TLE4: variants seen among roughly 807,000 people sequenced by gnomAD.
TLE4 encodes the protein TLE family member 4, transcriptional corepressor, also known as transducin-like enhancer protein 4.
Under a neutral mutation model 92.8 loss-of-function variants are expected in TLE4, and 8 were observed. That is an observed-to-expected ratio of 0.09 (90% CI 0.05 to 0.16). The LOEUF is 0.16. Ranked by LOEUF, TLE4 falls within the 10% of genes least tolerant of loss-of-function variation. The pLI, the probability that TLE4 is intolerant of heterozygous loss-of-function variation, is 1.00. For synonymous variants in TLE4, 371 were observed against 374.1 expected, an observed-to-expected ratio of 0.99 and a Z score of 0.10; for missense variants, 675 against 997.6, an observed-to-expected ratio of 0.68 and a Z score of 4.36.
At chr9:79,715,488 C>T (rs539317314) in intron 14 of TLE4, among the ~76,000 whole-genome samples, 1 of 152,190 alleles carries the variant, frequency 6.6e-6, no homozygotes, top group African/African-American at 2.4e-5. Context: ...GTGACCTTTC[C>T]ATTTCATTCA....
chr9:79,573,343 C>T (rs773909581), intron 1 of TLE4: 10 of 1,093,620 alleles, frequency 9.1e-6, no homozygotes, highest in African/African-American at 6.6e-5. Context: ...TGGCGCGGGT[C>T]CCCCCGACGG....
chr9:79,724,570 G>A (rs2076147864), intron 19 of TLE4, among the ~76,000 whole-genome samples: 1 of 152,040 alleles, frequency 6.6e-6, no homozygotes, highest in South Asian at 2.1e-4. Context: ...GTGCCACGTG[G>A]TGGCTCATGC....
intron 6 of TLE4, among the ~76,000 whole-genome samples, chr9:79,648,080 G>A (rs938056956): frequency 6.6e-6 from 1 of 152,186 alleles, no homozygotes; most frequent in Non-Finnish European, 1.5e-5. Flanking sequence ...GGATGGTGTT[G>A]CACAGTAGGG....
intron 8 of TLE4, among the ~76,000 whole-genome samples, chr9:79,695,313 G>A (rs2067982553): frequency 6.7e-6 from 1 of 149,926 alleles, no homozygotes; most frequent in Non-Finnish European, 1.5e-5. Flanking sequence ...ATTTTTGAAG[G>A]CTGCCTCCCT....
chr9:79,669,553 C>T (rs369514086), intron 8 of TLE4, among the ~76,000 whole-genome samples: 1 of 152,078 alleles, frequency 6.6e-6, no homozygotes, highest in African/African-American at 2.4e-5. Flanking sequence ...CTGAGGCGCT[C>T]TGGGCACCAT....
chr9:79,589,871 T>C (rs2042111647), intron 4 of TLE4, among the ~76,000 whole-genome samples: 1 of 152,198 alleles, frequency 6.6e-6, no homozygotes, highest in Admixed American at 6.5e-5. Context: ...TTCTGCTCTT[T>C]CTCTTTAGGG....
intron 1 of TLE4, 44 bp from the exon 2 acceptor site, chr9:79,573,645 G>T: frequency 1.3e-6 from 2 of 1,481,772 alleles, no homozygotes; most frequent in Non-Finnish European, 1.8e-6. Flanking sequence ...TCCCTGCTTC[G>T]CCTGTGATGT....
At chr9:79,630,208 A>G (rs551856884) in intron 6 of TLE4, among the ~76,000 whole-genome samples, 1 of 152,270 alleles carries the variant, frequency 6.6e-6, no homozygotes, top group Admixed American at 6.5e-5. Flanking sequence ...CTGCAATATT[A>G]TTCTACCTTC....
At chr9:79,603,601 C>T (rs1026477208) in intron 4 of TLE4, among the ~76,000 whole-genome samples, 7 of 151,988 alleles carry the variant, frequency 4.6e-5, no homozygotes, top group Non-Finnish European at 7.4e-5. Context: ...CTGTAGTACA[C>T]ACATGTACTG....
chr9:79,606,520 T>TC (rs995745883), intron 4 of TLE4, among the ~76,000 whole-genome samples: 16 of 151,886 alleles, frequency 1.1e-4, no homozygotes, highest in Admixed American at 4.6e-4. Context: ...ATGCTATCCC[T>TC]CCCCCAGTCC....
intron 8 of TLE4, among the ~76,000 whole-genome samples, chr9:79,656,190 G>A (rs1374825987): frequency 6.6e-6 from 1 of 152,138 alleles, no homozygotes; most frequent in Non-Finnish European, 1.5e-5. Flanking sequence ...GTTCTGTGAT[G>A]CTCAGAGAAG....
At chr9:79,656,242 G>C (rs1275411479) in intron 8 of TLE4, among the ~76,000 whole-genome samples, 1 of 152,142 alleles carries the variant, frequency 6.6e-6, no homozygotes, top group African/African-American at 2.4e-5. Context: ...TCCCATAAGT[G>C]GTTCCTGGTT....
intron 4 of TLE4, among the ~76,000 whole-genome samples, chr9:79,588,051 G>T (rs2041589763): frequency 6.6e-6 from 1 of 151,982 alleles, no homozygotes; most frequent in South Asian, 2.1e-4. Flanking sequence ...AGGCATTCTG[G>T]CTTGAGAACC....
chr9:79,715,281 C>T (rs915410305), intron 14 of TLE4, among the ~76,000 whole-genome samples: 3 of 152,174 alleles, frequency 2.0e-5, no homozygotes, highest in Non-Finnish European at 4.4e-5. Context: ...ACCATCTAAA[C>T]TTGGAATAAT....
intron 3 of TLE4, 108 bp downstream of exon 3, chr9:79,575,044 C>A: frequency 1.2e-6 from 1 of 868,286 alleles, no homozygotes; most frequent in Non-Finnish European, 1.9e-6. Flanking sequence ...GTCACCCTGC[C>A]AGTGCAGTTG....
At chr9:79,692,569 G>T (rs886727146) in intron 8 of TLE4, among the ~76,000 whole-genome samples, 1 of 152,156 alleles carries the variant, frequency 6.6e-6, no homozygotes, top group African/African-American at 2.4e-5. Flanking sequence ...ATCTTAGTTT[G>T]TTCGGGGTGC....
At chr9:79,593,867 T>C (rs980148763) in intron 4 of TLE4, among the ~76,000 whole-genome samples, 1 of 152,192 alleles carries the variant, frequency 6.6e-6, no homozygotes, top group Non-Finnish European at 1.5e-5. Context: ...TATTGACTTA[T>C]TGGTAACTTT....
chr9:79,695,218 C>T (rs993225123), intron 8 of TLE4, among the ~76,000 whole-genome samples: 1 of 152,136 alleles, frequency 6.6e-6, no homozygotes, highest in Non-Finnish European at 1.5e-5. Context: ...GTGAGGAGAG[C>T]AGCAGTGAAA....
intron 4 of TLE4, among the ~76,000 whole-genome samples, chr9:79,597,637 A>G (rs1159536044): frequency 1.3e-5 from 2 of 151,742 alleles, no homozygotes; most frequent in Non-Finnish European, 2.9e-5. Context: ...CATCCACCCA[A>G]TTTCTCAAGC....
Sources: allele counts gnomAD v4.1 joint callset (sites outside exome capture counted in the v4.1 genomes callset), GRCh38; gene constraint gnomAD v4.1.1; transcripts MANE v1.5; gene names NCBI Gene and HGNC (gene_info 2026-07-23, HGNC 2026-07-21).